The following CPSF7 variants were observed in gnomAD, a reference collection of about 807,000 sequenced individuals.
CPSF7 encodes the protein cleavage and polyadenylation specific factor 7, also known as cleavage and polyadenylation specificity factor subunit 7.
Under a neutral mutation model 44.3 loss-of-function variants are expected in CPSF7, and 1 was observed. That is an observed-to-expected ratio of 0.02 (90% CI 0.01 to 0.11). CPSF7 has a LOEUF of 0.11. CPSF7 is among the 10% of genes least tolerant of loss of function. CPSF7 has a pLI of 1.00. For synonymous variants in CPSF7, 202 were observed against 222.0 expected, an observed-to-expected ratio of 0.91 and a Z score of 0.80; for missense variants, 443 against 607.2, an observed-to-expected ratio of 0.73 and a Z score of 2.84.
At chr11:61,405,533 C>T (rs1202789126) in intron 9 of CPSF7, among the ~76,000 whole-genome samples, 1 of 152,144 alleles carries the variant, frequency 6.6e-6, no homozygotes. Context: ...CACATGGCCA[C>T]CAAACAAAGT....
Position 61,411,102 on chromosome 11 carries a change from T to C in CPSF7, c.1230A>G (p.Lys410=), listed in dbSNP as rs758537169. Reference sequence around the variant, plus strand: ...GTGACCTTTCCCGGGAGCGATGTCTTTTCCTATTAGAAAGATCCTTCAGCC... The same window carrying C: ...GTGACCTTTCCCGGGAGCGATGTCTCTTCCTATTAGAAAGATCCTTCAGCC... The part of the protein sequence containing the change: ...SVGASGSSSR[K]RHRSRERSPS... Residue 410 remains lysine, a synonymous_variant, in exon 9 of 10, where the codon AAA becomes AAG. Coordinates refer to ENST00000439958, the MANE Select transcript of CPSF7 (RefSeq NM_001142565.3). 6.2e-7 allele frequency: 1 copy of C among 1,607,398 alleles called. No homozygotes were observed. Among genetic ancestry groups the C allele is most frequent in the South Asian group, 1.1e-5 (1 of 90,376 alleles).
chr11:61,429,346 AGAG>A (rs1460513488), intron 1 of CPSF7, 56 bp from the exon 2 acceptor site: 6 of 1,076,820 alleles, frequency 5.6e-6, no homozygotes, highest in Non-Finnish European at 8.6e-6. Context: ...TGGGCTGGGA[AGAG>A]GGTAATGATT....
chr11:61,429,910 T>C lies in CPSF7; in HGVS notation c.-56+4A>G. 6.7e-7 allele frequency: 1 copy of C among 1,484,568 alleles called. No homozygotes were observed. The highest frequency in any genetic ancestry group is 9.0e-7 in the Non-Finnish European group (1 of 1,105,986). The allele number at this position is 1,484,568 out of a possible 1,614,324, so 92.0% of individuals were successfully genotyped here. A position where few individuals can be genotyped will look rare whatever the true frequency, so the allele number is the denominator to read the frequency against. ...ACCTGCCCCCGACCGCGCGCCCCCG[T>C]TACCGGGAATATGGCGGCGGCGGCG... is the stretch of plus-strand genomic sequence containing the variant. On this transcript the variant is annotated splice_donor_region_variant and intron_variant, in intron 1 of 9. Coordinates refer to ENST00000439958, the MANE Select transcript of CPSF7 (RefSeq NM_001142565.3).
chr11:61,420,981 A>T (rs1019090170), intron 3 of CPSF7: 2 of 873,686 alleles, frequency 2.3e-6, no homozygotes, highest in African/African-American at 3.4e-5. Flanking sequence ...TCACAAAATA[A>T]CTTGCAGAAC....
Position 61,429,938 on chromosome 11 carries a change from G to T in CPSF7, c.-80C>A, listed in dbSNP as rs1041735777. The stretch of plus-strand genomic sequence containing the variant: ...CCGGGAATATGGCGGCGGCGGCGGC[G>T]AGTCCGGACTAGGCCCGAAGCGCGC... On this transcript the variant is annotated 5_prime_UTR_variant, in exon 1 of 10. Coordinates refer to ENST00000439958, the MANE Select transcript of CPSF7 (RefSeq NM_001142565.3). 6 of 1,415,686 alleles carry T rather than the reference G, an allele frequency of 4.2e-6. No individual in the cohort carries two copies. The African/African-American group carries it at 7.3e-5, about 17-fold the overall frequency. The allele number at this position is 1,415,686 out of a possible 1,614,324, so 87.7% of individuals were successfully genotyped here.
intron 8 of CPSF7, among the ~76,000 whole-genome samples, chr11:61,411,359 T>C (rs1859831858): frequency 6.6e-6 from 1 of 152,232 alleles, no homozygotes; most frequent in African/African-American, 2.4e-5. Context: ...ACCTAATCTT[T>C]ACAACAGGTC....
intron 7 of CPSF7, among the ~76,000 whole-genome samples, chr11:61,414,638 C>T (rs912498021): frequency 1.3e-5 from 2 of 152,180 alleles, no homozygotes; most frequent in African/African-American, 2.4e-5. Flanking sequence ...TGATAATCTA[C>T]AGACATTTAC....
intron 1 of CPSF7, chr11:61,429,572 C>T (rs1861749521): frequency 3.0e-6 from 2 of 659,692 alleles, no homozygotes; most frequent in Non-Finnish European, 5.0e-6. Context: ...TCCTAGTGGC[C>T]CTAGGACGGC....
chr11:61,415,088 A>G (rs1225760093), intron 7 of CPSF7, among the ~76,000 whole-genome samples: 3 of 152,092 alleles, frequency 2.0e-5, no homozygotes, highest in Non-Finnish European at 2.9e-5. Flanking sequence ...AAATACAAAA[A>G]TTAGCCGGGC....
intron 5 of CPSF7, 105 bp downstream of exon 5, chr11:61,419,844 C>G: frequency 7.0e-7 from 1 of 1,435,942 alleles, no homozygotes; most frequent in Non-Finnish European, 9.5e-7. Context: ...CCAAACTCAC[C>G]CACACTGTAG....
intron 9 of CPSF7, among the ~76,000 whole-genome samples, chr11:61,406,918 C>T (rs1004122392): frequency 3.3e-5 from 5 of 152,114 alleles, no homozygotes; most frequent in Non-Finnish European, 7.4e-5. Context: ...GCTGGGACTA[C>T]AGGAGCACAT....
chr11:61,416,948 C>T (rs945704662), intron 5 of CPSF7, among the ~76,000 whole-genome samples: 3 of 152,092 alleles, frequency 2.0e-5, no homozygotes, highest in African/African-American at 7.2e-5. Context: ...ACTAGTTAAC[C>T]TCTTCCTGTT....
At chr11:61,419,866 A>T (rs1341257123) in intron 5 of CPSF7, 83 bp downstream of exon 5, 1 of 1,547,658 alleles carries the variant, frequency 6.5e-7, no homozygotes, top group Non-Finnish European at 8.8e-7. Flanking sequence ...CTAAGCCTAC[A>T]CCATAGAAAA....
chr11:61,427,437 A>G (rs913615733), intron 2 of CPSF7: 4 of 152,092 alleles, frequency 2.6e-5, no homozygotes, highest in African/African-American at 9.7e-5. Context: ...GGCGGATCAC[A>G]AGGTCAGGCA....
chr11:61,416,153 G>A lies in CPSF7; in HGVS notation c.890C>T (p.Pro297Leu), dbSNP rs1413228870. Residue 297 changes from proline (P) to leucine (L), a missense_variant, in exon 6 of 10, where the codon CCA (proline) becomes CTA (leucine). Coordinates refer to ENST00000439958, the MANE Select transcript of CPSF7 (RefSeq NM_001142565.3). Reference sequence around the variant, plus strand: ...AGAGGCCTTCATGTAAGTATCTGGTGGAGGCCCCACTGTAGCGTTTGGTGG... The same window carrying A: ...AGAGGCCTTCATGTAAGTATCTGGTAGAGGCCCCACTGTAGCGTTTGGTGG... ...FPPPNATVGP[P>L]PDTYMKASAP... 2.6e-6 allele frequency: 4 copies of A among 1,512,938 alleles called. No homozygotes were observed. The African/African-American group carries it at 5.6e-5, about 21-fold the overall frequency. 93.7% of individuals were successfully genotyped at this position (1,512,938 alleles called of 1,614,324 possible).
chr11:61,419,349 A>C (rs17156025), intron 5 of CPSF7, among the ~76,000 whole-genome samples: 18,619 of 152,172 alleles, frequency 0.12, 3,463 homozygotes, highest in African/African-American at 0.4. Context: ...ATGGGATATA[A>C]CTGCCAAGCA....
intron 8 of CPSF7, among the ~76,000 whole-genome samples, chr11:61,411,350 C>G (rs1317925062): frequency 6.6e-6 from 1 of 152,098 alleles, no homozygotes; most frequent in Non-Finnish European, 1.5e-5. Context: ...GATTATCTGA[C>G]CTAATCTTTA....
intron 7 of CPSF7, among the ~76,000 whole-genome samples, chr11:61,413,156 C>T (rs1022151083): frequency 6.6e-6 from 1 of 151,930 alleles, no homozygotes; most frequent in Non-Finnish European, 1.5e-5. Flanking sequence ...AATTCCTGGC[C>T]TCAAGTGATC....
Position 61,429,944 on chromosome 11 carries a change from G to C in CPSF7, c.-86C>G, listed in dbSNP as rs989738424. ...ATATGGCGGCGGCGGCGGCGAGTCC[G>C]GACTAGGCCCGAAGCGCGCGAACCG... On this transcript the variant is annotated 5_prime_UTR_variant, in exon 1 of 10. Transcript: ENST00000439958. The C allele has an allele frequency of 3.3e-5, 46 of 1,397,604 alleles. No individual in the cohort carries two copies. The highest frequency in any genetic ancestry group is 4.1e-5 in the South Asian group (3 of 73,814). The allele number at this position is 1,397,604 out of a possible 1,614,324, so 86.6% of individuals were successfully genotyped here. A position where few individuals can be genotyped will look rare whatever the true frequency, so the allele number is the denominator to read the frequency against.
Sources: allele counts gnomAD v4.1 joint callset (sites outside exome capture counted in the v4.1 genomes callset), GRCh38; gene constraint gnomAD v4.1.1; transcripts MANE v1.5; gene names NCBI Gene and HGNC (gene_info 2026-07-23, HGNC 2026-07-21).